Variants in PATJ observed in about 807,000 individuals in gnomAD.
PATJ encodes PATJ crumbs cell polarity complex component.
Under a neutral mutation model 224.9 loss-of-function variants are expected in PATJ, and 190 were observed. That is an observed-to-expected ratio of 0.84 (90% CI 0.75 to 0.95). PATJ has a LOEUF of 0.95. PATJ is among the 40% of genes least tolerant of loss of function. The pLI is 0.00. For missense variants in PATJ, 2,121 were observed against 2,270.3 expected, an observed-to-expected ratio of 0.93 and a Z score of 1.34; for synonymous variants, 769 against 820.3, an observed-to-expected ratio of 0.94 and a Z score of 1.07.
At chr1:61,843,403 T>C (rs1661421478) in intron 17 of PATJ, among the ~76,000 whole-genome samples, 1 of 152,192 alleles carries the variant, frequency 6.6e-6, no homozygotes, top group Non-Finnish European at 1.5e-5. Flanking sequence ...ATATCTAAAA[T>C]AGAAGTAATA....
At chr1:62,112,946 G>A (rs181653689) in intron 34 of PATJ, among the ~76,000 whole-genome samples, 3 of 152,192 alleles carry the variant, frequency 2.0e-5, no homozygotes, top group Admixed American at 2.0e-4. Context: ...GTGTAACCTG[G>A]GTCAAGTCCC....
intron 42 of PATJ, among the ~76,000 whole-genome samples, chr1:62,149,955 A>G (rs911151709): frequency 5.3e-5 from 8 of 152,184 alleles, no homozygotes; most frequent in Non-Finnish European, 1.2e-4. Flanking sequence ...TCCCCTGAAA[A>G]CATGTCCCTG....
chr1:62,149,431 T>A (rs1302975158), intron 42 of PATJ, among the ~76,000 whole-genome samples: 1 of 152,176 alleles, frequency 6.6e-6, no homozygotes, highest in Admixed American at 6.6e-5. Context: ...CCGTCCCAAT[T>A]TTTTCCTGGT....
chr1:61,906,760 G>T (rs1044383503), intron 24 of PATJ, among the ~76,000 whole-genome samples: 7 of 152,050 alleles, frequency 4.6e-5, no homozygotes, highest in African/African-American at 1.7e-4. Context: ...CATGGCTGGA[G>T]AAATAACCAG....
chr1:61,742,656 GC>G (rs1644813796), intron 1 of PATJ, 101 bp downstream of exon 1: 1 of 149,908 alleles, frequency 6.7e-6, no homozygotes, highest in Non-Finnish European at 1.5e-5. Flanking sequence ...TCCCGGGCCT[GC>G]CTGCCCTGCC....
chr1:61,770,130 T>C (rs556985814), intron 5 of PATJ, among the ~76,000 whole-genome samples: 1 of 152,324 alleles, frequency 6.6e-6, no homozygotes, highest in African/African-American at 2.4e-5. Flanking sequence ...CATTTTTGAA[T>C]TCACATCCTC....
intron 43 of PATJ, among the ~76,000 whole-genome samples, chr1:62,155,441 G>A (rs889820625): frequency 2.0e-5 from 3 of 152,102 alleles, no homozygotes; most frequent in African/African-American, 7.2e-5. Context: ...ATACAGCTAA[G>A]AGTAAAATGG....
intron 24 of PATJ, among the ~76,000 whole-genome samples, chr1:61,907,766 C>T (rs562766820): frequency 6.6e-6 from 1 of 152,226 alleles, no homozygotes; most frequent in South Asian, 2.1e-4. Context: ...ACAGAGTGTG[C>T]TCTTGGAGAT....
At chr1:61,879,864 A>T (rs1182368587) in intron 21 of PATJ, among the ~76,000 whole-genome samples, 1 of 149,736 alleles carries the variant, frequency 6.7e-6, no homozygotes, top group Non-Finnish European at 1.5e-5. Flanking sequence ...TTTTAGATAG[A>T]GTCTCACTCT....
intron 9 of PATJ, among the ~76,000 whole-genome samples, chr1:61,792,859 T>C (rs989656962): frequency 8.5e-5 from 13 of 152,122 alleles, no homozygotes; most frequent in African/African-American, 2.7e-4. Context: ...CAAAAGTTTT[T>C]TGGACTGGGT....
chr1:62,111,191 G>A (rs188190743), intron 34 of PATJ, among the ~76,000 whole-genome samples: 28 of 152,308 alleles, frequency 1.8e-4, no homozygotes, highest in African/African-American at 6.5e-4. Context: ...TAGAGGCTTA[G>A]AAAGTTCACC....
chr1:61,812,381 A>AGTGTCT (rs1557687848), intron 14 of PATJ, among the ~76,000 whole-genome samples: 1 of 35,214 alleles, frequency 2.8e-5, no homozygotes. Context: ...AGAGAGAGAG[A>AGTGTCT]GAGAGAGAGA....
intron 17 of PATJ, among the ~76,000 whole-genome samples, chr1:61,836,300 A>T (rs1329049663): frequency 1.3e-5 from 2 of 152,044 alleles, no homozygotes; most frequent in African/African-American, 4.8e-5. Flanking sequence ...CCTCTTATTT[A>T]CCTCTCAATC....
At chr1:61,838,475 C>T (rs1459518212) in intron 17 of PATJ, among the ~76,000 whole-genome samples, 2 of 151,626 alleles carry the variant, frequency 1.3e-5, no homozygotes, top group East Asian at 3.9e-4. Flanking sequence ...CTGCCTCAGC[C>T]TCCTGAGTAG....
chr1:61,938,969 A>G (rs1677319505), intron 27 of PATJ, among the ~76,000 whole-genome samples: 2 of 151,756 alleles, frequency 1.3e-5, no homozygotes, highest in South Asian at 2.1e-4. Flanking sequence ...ATATACAAAA[A>G]AAAATTAGCC....
At chr1:61,926,747 C>A (rs1305985399) in intron 26 of PATJ, among the ~76,000 whole-genome samples, 2 of 152,134 alleles carry the variant, frequency 1.3e-5, no homozygotes, top group African/African-American at 2.4e-5. Context: ...TGGGTGTGTG[C>A]TTTCCTTTAT....
At chr1:61,939,317 T>TCACACACACA (rs60430174) in intron 27 of PATJ, among the ~76,000 whole-genome samples, 2,154 of 142,514 alleles carry the variant, frequency 0.015, 43 homozygotes, top group African/African-American at 0.048. Flanking sequence ...AACTTTGCAT[T>TCACACACACA]CACACACACA....
At chr1:61,871,862 C>CTTT (rs371028820) in intron 20 of PATJ, among the ~76,000 whole-genome samples, 3 of 130,810 alleles carry the variant, frequency 2.3e-5, no homozygotes, top group Non-Finnish European at 4.9e-5. Flanking sequence ...CCACGTCTGG[C>CTTT]TTTTTTTTTT....
At chr1:61,990,133 T>A (rs1340373758) in intron 27 of PATJ, 35 bp from the exon 28 acceptor site, 1 of 1,383,946 alleles carries the variant, frequency 7.2e-7, no homozygotes, top group South Asian at 1.3e-5. Flanking sequence ...CAGATCAAGC[T>A]ACTCTATTTA....
Sources: gnomAD v4.1 joint callset for allele counts (sites outside exome capture counted in the v4.1 genomes callset) on GRCh38, gnomAD v4.1.1 for gene constraint, MANE v1.5 for transcripts, NCBI Gene and HGNC (gene_info 2026-07-23, HGNC 2026-07-21) for gene names.